Variants in MCU observed in about 807,000 individuals in gnomAD.
MCU encodes mitochondrial calcium uniporter.
Under a neutral mutation model 45.2 loss-of-function variants are expected in MCU, and 12 were observed. That is an observed-to-expected ratio of 0.27 (90% confidence interval 0.17 to 0.43). The LOEUF (loss-of-function observed/expected upper bound fraction) is 0.43, where lower values mean the gene tolerates loss of function less well. Ranked by LOEUF, MCU falls within the 20% of genes least tolerant of loss-of-function variation. MCU has a pLI of 1.00. For synonymous variants in MCU, 160 were observed against 165.1 expected, an observed-to-expected ratio of 0.97 and a Z score of 0.24; for missense variants, 324 against 436.7, an observed-to-expected ratio of 0.74 and a Z score of 2.30.
At chr10:72,877,539 GTTCTAGTTGTGGC>G (rs1261096846) in intron 6 of MCU, among the ~76,000 whole-genome samples, 26 of 151,688 alleles carry the variant, frequency 1.7e-4, no homozygotes, top group African/African-American at 5.8e-4. Context: ...ATTTACTCTG[GTTCTAGTTGTGGC>G]ATACTAGGCA....
At chr10:72,872,671 G>A (rs1188762042) in intron 6 of MCU, among the ~76,000 whole-genome samples, 1 of 152,070 alleles carries the variant, frequency 6.6e-6, no homozygotes, top group African/African-American at 2.4e-5. Context: ...TCCCTGGATG[G>A]GCACTTAGGT....
chr10:72,875,272 T>C (rs146405556), intron 6 of MCU, among the ~76,000 whole-genome samples: 1,895 of 152,272 alleles, frequency 0.012, 24 homozygotes, highest in Middle Eastern at 0.031. Context: ...AATAAAAATA[T>C]ATTGGGGAAA....
intron 1 of MCU, among the ~76,000 whole-genome samples, chr10:72,723,666 G>A (rs1843054452): frequency 6.6e-6 from 1 of 152,104 alleles, no homozygotes; most frequent in African/African-American, 2.4e-5. Context: ...TAACAAACTT[G>A]TCATACACAT....
At chr10:72,810,330 TTGAC>T (rs1457609850) in intron 1 of MCU, among the ~76,000 whole-genome samples, 7 of 152,078 alleles carry the variant, frequency 4.6e-5, no homozygotes, top group East Asian at 3.9e-4. Flanking sequence ...GGTGACGTCT[TTGAC>T]TGAGAGGCAG....
At chr10:72,835,706 T>G (rs752042247) in intron 2 of MCU, among the ~76,000 whole-genome samples, 2 of 152,134 alleles carry the variant, frequency 1.3e-5, no homozygotes, top group African/African-American at 4.8e-5. Flanking sequence ...AAGGGGAAAA[T>G]AGACCAAAAT....
intron 6 of MCU, among the ~76,000 whole-genome samples, chr10:72,881,271 A>G (rs940599421): frequency 6.6e-6 from 1 of 152,234 alleles, no homozygotes; most frequent in South Asian, 2.1e-4. Flanking sequence ...TGGATTGTAG[A>G]TCTAAATGTG....
intron 1 of MCU, among the ~76,000 whole-genome samples, chr10:72,795,380 T>C (rs1844227835): frequency 6.6e-6 from 1 of 152,206 alleles, no homozygotes; most frequent in African/African-American, 2.4e-5. Context: ...CTCTGGGTTA[T>C]CAAGTTAAAA....
At position 72,692,246 on chromosome 10, in the gene MCU, G is replaced by A. The variant is rs1169194874; in HGVS notation, c.95G>A (p.Gly32Asp). Residue 32 changes from glycine (G) to aspartate (D), a missense_variant, in exon 1 of 8, where the codon GGC becomes GAC. By Grantham distance (94) the Gly-to-Asp change is moderately conservative. Coordinates refer to ENST00000373053, the MANE Select transcript of MCU (RefSeq NM_138357.3). ...GGCGGCTGCGGGGCGCTGACTGCCG[G>A]CTGCTTCCCTGGGCTGGGCGTCAGC... ...GAGGCGALTA[G>D]CFPGLGVSRH... 2 of 1,238,848 alleles carry A rather than the reference G, an allele frequency of 1.6e-6. No individual in the cohort carries two copies. Among genetic ancestry groups the A allele is most frequent in the African/African-American group, 1.6e-5 (1 of 64,212 alleles). The allele number at this position is 1,238,848 out of a possible 1,614,324, so 76.7% of individuals were successfully genotyped here. A position where few individuals can be genotyped will look rare whatever the true frequency, so the allele number is the denominator to read the frequency against.
chr10:72,806,863 G>T (rs183410850), intron 1 of MCU, among the ~76,000 whole-genome samples: 1 of 152,334 alleles, frequency 6.6e-6, no homozygotes, highest in East Asian at 1.9e-4. Context: ...ACGAAATTAT[G>T]CAAGGCCATG....
At chr10:72,750,270 A>G (rs1268729451) in intron 1 of MCU, among the ~76,000 whole-genome samples, 1 of 152,206 alleles carries the variant, frequency 6.6e-6, no homozygotes, top group Non-Finnish European at 1.5e-5. Context: ...AATTTAACAG[A>G]CGAACAGTTT....
intron 1 of MCU, among the ~76,000 whole-genome samples, chr10:72,698,290 A>C (rs1455625326): frequency 6.6e-6 from 1 of 152,256 alleles, no homozygotes; most frequent in Non-Finnish European, 1.5e-5. Flanking sequence ...AATCATTCAG[A>C]TGATGTTATC....
chr10:72,771,842 C>T (rs1361109071), intron 1 of MCU, among the ~76,000 whole-genome samples: 2 of 152,140 alleles, frequency 1.3e-5, no homozygotes, highest in African/African-American at 4.8e-5. Context: ...CCACTACTGG[C>T]CCCAGTAGGG....
intron 1 of MCU, among the ~76,000 whole-genome samples, chr10:72,824,372 ATTTTTTTTT>A (rs66765142): frequency 2.2e-5 from 3 of 133,708 alleles, no homozygotes; most frequent in African/African-American, 5.9e-5. Context: ...AATTTTTTGT[ATTTTTTTTT>A]TTTTTTTTTG....
chr10:72,771,270 T>C (rs1843803915), intron 1 of MCU, among the ~76,000 whole-genome samples: 2 of 152,148 alleles, frequency 1.3e-5, no homozygotes, highest in Non-Finnish European at 2.9e-5. Flanking sequence ...CAACTCCCAC[T>C]TATGAGTGAG....
intron 1 of MCU, among the ~76,000 whole-genome samples, chr10:72,724,702 G>A (rs1407055987): frequency 1.3e-5 from 2 of 152,194 alleles, no homozygotes; most frequent in African/African-American, 4.8e-5. Flanking sequence ...GGTTAGATTA[G>A]ATTTATTCCT....
chr10:72,727,901 A>ATT (rs761774046), intron 1 of MCU, among the ~76,000 whole-genome samples: 7 of 142,924 alleles, frequency 4.9e-5, no homozygotes, highest in East Asian at 2.0e-4. Flanking sequence ...TTTAAGCAGA[A>ATT]TTTTTTTTTT....
intron 2 of MCU, among the ~76,000 whole-genome samples, chr10:72,840,754 G>A (rs1323810655): frequency 2.0e-5 from 3 of 152,122 alleles, no homozygotes; most frequent in African/African-American, 7.2e-5. Context: ...GAAAACAGAA[G>A]CACCTTATAT....
chr10:72,732,492 G>A (rs1266699334), intron 1 of MCU, among the ~76,000 whole-genome samples: 1 of 152,180 alleles, frequency 6.6e-6, no homozygotes, highest in Non-Finnish European at 1.5e-5. Flanking sequence ...GATGTGAAAA[G>A]ACAGATATGT....
At chr10:72,851,250 T>C (rs1307067740) in intron 2 of MCU, among the ~76,000 whole-genome samples, 1 of 152,232 alleles carries the variant, frequency 6.6e-6, no homozygotes, top group Non-Finnish European at 1.5e-5. Context: ...CTTCATATTC[T>C]CTGTTGACTT....
Sources: allele counts gnomAD v4.1 joint callset (sites outside exome capture counted in the v4.1 genomes callset), GRCh38; gene constraint gnomAD v4.1.1; transcripts MANE v1.5; gene names NCBI Gene and HGNC (gene_info 2026-07-23, HGNC 2026-07-21).